COMMD7: variants seen among roughly 807,000 people sequenced by gnomAD.
The protein encoded by COMMD7 is COMM domain-containing protein 7.
In COMMD7, 28 loss-of-function variants were observed where a neutral mutation model predicts 34.8. That is an observed-to-expected ratio of 0.80 (90% CI 0.60 to 1.10). The LOEUF (loss-of-function observed/expected upper bound fraction) is 1.10. Among genes scored for constraint, COMMD7 ranks in the 50% least tolerant of loss-of-function variants. The pLI is 0.00. For missense variants in COMMD7, 211 were observed against 241.6 expected (o/e 0.87, Z 0.84); for synonymous variants, 80 against 86.4 (o/e 0.93, Z 0.41).
chr20:32,719,545 G>C (rs1760278260), intron 3 of COMMD7, among the ~76,000 whole-genome samples: 2 of 152,080 alleles, frequency 1.3e-5, no homozygotes, highest in South Asian at 4.1e-4. Context: ...AGCTACTCAG[G>C]AGGCTGAGGC....
At chr20:32,742,828 A>C (rs1447683696) in intron 1 of COMMD7, among the ~76,000 whole-genome samples, 1 of 151,878 alleles carries the variant, frequency 6.6e-6, no homozygotes, top group Non-Finnish European at 1.5e-5. Context: ...GCCCCCTCAG[A>C]TTCTCGGGCC....
At chr20:32,738,933 G>A (rs1360990740) in intron 1 of COMMD7, among the ~76,000 whole-genome samples, 5 of 152,174 alleles carry the variant, frequency 3.3e-5, no homozygotes, top group African/African-American at 9.6e-5. Context: ...GTCTTGCTAC[G>A]TTGCTTAGGC....
In COMMD7 at chr20:32,725,830, C is replaced by G. The variant is rs578203834; in HGVS notation, c.241+2063G>C. On this transcript the variant is annotated intron_variant, in intron 3 of 8. Coordinates refer to ENST00000278980, the MANE Select transcript of COMMD7 (RefSeq NM_053041.3). ...CTCTGGGAGGCTGAGGCGGGCAGAT[C>G]GCTTGAGCTCGGGAATTTGAAACCA... 1.4e-4 allele frequency among the ~76,000 whole-genome samples: 21 copies of G among 151,988 alleles called. No homozygotes were observed. In the East Asian group the frequency reaches 1.9e-3, roughly 14 times the overall value.
At chr20:32,710,635 GGGAGGAT>G (rs1984378119) in intron 3 of COMMD7, among the ~76,000 whole-genome samples, 2 of 151,678 alleles carry the variant, frequency 1.3e-5, no homozygotes. Flanking sequence ...AGGCTGAGGT[GGGAGGAT>G]GGCTTGAGCC....
At chr20:32,720,113 G>A (rs1436727880) in intron 3 of COMMD7, among the ~76,000 whole-genome samples, 1 of 152,164 alleles carries the variant, frequency 6.6e-6, no homozygotes, top group East Asian at 1.9e-4. Context: ...TCAGTGATGG[G>A]ACCAAAACTC....
chr20:32,737,181 CAA>C (rs376946755), intron 1 of COMMD7, among the ~76,000 whole-genome samples: 1 of 148,380 alleles, frequency 6.7e-6, no homozygotes, highest in South Asian at 2.1e-4. Context: ...GACTCCATCT[CAA>C]AAAAAAAGAA....
At chr20:32,712,327 T>C (rs376349417) in intron 3 of COMMD7, among the ~76,000 whole-genome samples, 4 of 137,934 alleles carry the variant, frequency 2.9e-5, no homozygotes, top group African/African-American at 1.1e-4. Context: ...GACAATGTAG[T>C]GAAACTCCGT....
chr20:32,729,335 A>C (rs1319396540), intron 1 of COMMD7, among the ~76,000 whole-genome samples: 1 of 151,526 alleles, frequency 6.6e-6, no homozygotes, highest in Admixed American at 6.6e-5. Flanking sequence ...CACCTGGATA[A>C]TTTTTGTATT....
At chr20:32,728,396 C>T (rs542923308) in intron 1 of COMMD7, among the ~76,000 whole-genome samples, 1 of 152,064 alleles carries the variant, frequency 6.6e-6, no homozygotes, top group South Asian at 2.1e-4. Context: ...TAAGCATATG[C>T]ACTCAGATGC....
intron 1 of COMMD7, among the ~76,000 whole-genome samples, chr20:32,736,626 T>C (rs6058849): frequency 0.69 from 104,252 of 151,776 alleles, 36,550 homozygotes; most frequent in Middle Eastern, 0.82. Flanking sequence ...GCTGAGATCA[T>C]GCCACTGCAC....
chr20:32,731,563 T>C (rs766123423), intron 1 of COMMD7, among the ~76,000 whole-genome samples: 3 of 152,054 alleles, frequency 2.0e-5, no homozygotes, highest in Non-Finnish European at 2.9e-5. Context: ...CAAGAAACCA[T>C]GACACTCCCA....
chr20:32,718,239 C>G (rs1197061303), intron 3 of COMMD7, among the ~76,000 whole-genome samples: 1 of 151,602 alleles, frequency 6.6e-6, no homozygotes, highest in Non-Finnish European at 1.5e-5. Context: ...CCCGTCTCTA[C>G]TAAAAATACA....
chr20:32,739,729 C>T lies in COMMD7; in HGVS notation c.84+3579G>A, dbSNP rs918135544. On this transcript the variant is annotated intron_variant, in intron 1 of 8. Coordinates refer to ENST00000278980, the MANE Select transcript of COMMD7 (RefSeq NM_053041.3). ...TTGCCACATAAGCGCTTGAAAAGGG[C>T]TAATCTGACCAGGGGTGGTGGCTCA... Among the ~76,000 whole-genome samples, 5 of 137,952 alleles carry T rather than the reference C, an allele frequency of 3.6e-5. 2 individuals are homozygous for T. The highest frequency in any genetic ancestry group is 1.4e-4 in the African/African-American group (5 of 36,380). 90.5% of individuals were successfully genotyped at this position (137,952 alleles called of 152,430 possible). A position where few individuals can be genotyped will look rare whatever the true frequency, so the allele number is the denominator to read the frequency against.
Position 32,727,882 on chromosome 20 carries a change from A to G in COMMD7, c.241+11T>C. 3 of 1,585,446 alleles carry G rather than the reference A, an allele frequency of 1.9e-6. No individual in the cohort carries two copies. Among genetic ancestry groups the G allele is most frequent in the Non-Finnish European group, 2.6e-6 (3 of 1,154,024 alleles). On this transcript the variant is annotated intron_variant, in intron 3 of 8. Coordinates refer to ENST00000278980, the MANE Select transcript of COMMD7 (RefSeq NM_053041.3). ...TGTCTCTGGCCACAGCTGCTAAGAG[A>G]GGTTACTCACCATTTGGAACCAGAA...
intron 3 of COMMD7, among the ~76,000 whole-genome samples, chr20:32,711,727 T>C (rs1336846993): frequency 1.3e-5 from 2 of 151,860 alleles, no homozygotes; most frequent in Non-Finnish European, 2.9e-5. Flanking sequence ...TTTCAGCTTT[T>C]TCCTGTGGTG....
intron 5 of COMMD7, among the ~76,000 whole-genome samples, 170 bp downstream of exon 5, chr20:32,706,413 T>C (rs1370265252): frequency 6.7e-6 from 1 of 150,260 alleles, no homozygotes; most frequent in Non-Finnish European, 1.5e-5. Context: ...CTGGGGAGGC[T>C]GAGGCAGAAG....
chr20:32,719,911 A>G (rs1287564599), intron 3 of COMMD7, among the ~76,000 whole-genome samples: 2 of 152,144 alleles, frequency 1.3e-5, no homozygotes, highest in Admixed American at 6.6e-5. Flanking sequence ...CCTGGGCAAC[A>G]TAGCAAGACC....
intron 1 of COMMD7, among the ~76,000 whole-genome samples, chr20:32,739,644 C>CAAAAAAAAAAAAAAA (rs1176056154): frequency 3.6e-5 from 2 of 56,004 alleles, no homozygotes; most frequent in Non-Finnish European, 6.6e-5. Context: ...GGCTCTGTAT[C>CAAAAAAAAAAAAAAA]AAAAAAAAAA....
chr20:32,705,436 T>C (rs1283832938), intron 5 of COMMD7, among the ~76,000 whole-genome samples: 2 of 151,176 alleles, frequency 1.3e-5, no homozygotes, highest in African/African-American at 4.9e-5. Flanking sequence ...TGCAGTGGCA[T>C]GATCTTGGCT....
Sources: gnomAD v4.1 joint callset for allele counts (sites outside exome capture counted in the v4.1 genomes callset) on GRCh38, gnomAD v4.1.1 for gene constraint, MANE v1.5 for transcripts, NCBI Gene and HGNC (gene_info 2026-07-23, HGNC 2026-07-21) for gene names.